PSD3: variants seen among roughly 807,000 people sequenced by gnomAD.
The protein encoded by PSD3 is PH and SEC7 domain-containing protein 3.
In PSD3, 49 loss-of-function variants were observed where a neutral mutation model predicts 105.5. The ratio of observed to expected loss-of-function variants is 0.46; its 90% CI spans 0.37 to 0.59. The LOEUF is 0.59. PSD3 is among the 20% of genes least tolerant of loss of function. The pLI, the probability that PSD3 is intolerant of heterozygous loss-of-function variation, is 0.00. For missense variants in PSD3, 1,561 were observed against 1,263.8 expected (o/e 1.24, Z -3.57); for synonymous variants, 557 against 457.8 (o/e 1.22, Z -2.77).
At chr8:18,764,321 A>G (rs58728600) in intron 9 of PSD3, among the ~76,000 whole-genome samples, 12,917 of 152,160 alleles carry the variant, frequency 0.085, 1,136 homozygotes, top group African/African-American at 0.22. Context: ...TCACGTCACA[A>G]TCCTGCACCA....
chr8:18,743,138 C>G (rs545954055), intron 9 of PSD3, among the ~76,000 whole-genome samples: 2 of 152,122 alleles, frequency 1.3e-5, no homozygotes, highest in Non-Finnish European at 2.9e-5. Flanking sequence ...AAGGGCAAAC[C>G]TCCCCTTTGC....
At chr8:18,876,502 T>G (rs765158475) in intron 2 of PSD3, among the ~76,000 whole-genome samples, 7 of 152,122 alleles carry the variant, frequency 4.6e-5, no homozygotes, top group Non-Finnish European at 1.0e-4. Context: ...TTCTCCCACC[T>G]CAGCCTCCTG....
At chr8:18,984,777 C>A (rs1217176539) in intron 1 of PSD3, among the ~76,000 whole-genome samples, 10 of 152,120 alleles carry the variant, frequency 6.6e-5, no homozygotes, top group African/African-American at 2.2e-4. Flanking sequence ...CATACTTCTG[C>A]CAACCTGACT....
At chr8:18,763,211 G>A (rs1424984029) in intron 9 of PSD3, among the ~76,000 whole-genome samples, 2 of 152,106 alleles carry the variant, frequency 1.3e-5, no homozygotes, top group Non-Finnish European at 2.9e-5. Flanking sequence ...AAAAGCCTCA[G>A]TTTATGTAAC....
chr8:18,622,061 T>A (rs1806154855), intron 11 of PSD3, among the ~76,000 whole-genome samples: 1 of 152,118 alleles, frequency 6.6e-6, no homozygotes, highest in African/African-American at 2.4e-5. Context: ...TCCAACCTTG[T>A]CAAGGTGCTC....
At chr8:18,811,127 C>G (rs1226387830) in intron 4 of PSD3, among the ~76,000 whole-genome samples, 11 of 152,164 alleles carry the variant, frequency 7.2e-5, no homozygotes, top group Non-Finnish European at 1.5e-4. Context: ...AATAGGTTAA[C>G]AATGGTTAGG....
intron 1 of PSD3, among the ~76,000 whole-genome samples, chr8:19,039,124 C>T (rs559420893): frequency 7.2e-5 from 11 of 152,242 alleles, no homozygotes; most frequent in African/African-American, 1.9e-4. Context: ...TTTTCCTCGA[C>T]GGACCTTTTT....
chr8:18,568,035 C>A (rs1178486211), intron 14 of PSD3, among the ~76,000 whole-genome samples: 1 of 152,178 alleles, frequency 6.6e-6, no homozygotes, highest in African/African-American at 2.4e-5. Context: ...CTCTCTCTTG[C>A]CATGTGACAC....
chr8:18,950,871 A>G (rs7833069), intron 1 of PSD3, among the ~76,000 whole-genome samples: 52,168 of 151,888 alleles, frequency 0.34, 9,172 homozygotes, highest in Middle Eastern at 0.53. Context: ...GTCCTGTGTC[A>G]TGCACTTGAG....
At chr8:18,906,786 C>A (rs1436289827) in intron 2 of PSD3, among the ~76,000 whole-genome samples, 3 of 152,120 alleles carry the variant, frequency 2.0e-5, no homozygotes, top group African/African-American at 7.2e-5. Flanking sequence ...AAGAACATTT[C>A]AGTCAATGAC....
intron 9 of PSD3, among the ~76,000 whole-genome samples, chr8:18,722,586 G>A (rs1310695936): frequency 6.6e-6 from 1 of 152,078 alleles, no homozygotes; most frequent in Non-Finnish European, 1.5e-5. Flanking sequence ...TCCACCTGAA[G>A]GAAGTACAGA....
chr8:18,944,475 C>A (rs13248941), intron 1 of PSD3, among the ~76,000 whole-genome samples: 69,889 of 151,576 alleles, frequency 0.46, 16,359 homozygotes, highest in African/African-American at 0.53. Flanking sequence ...GGAGGCTGAG[C>A]GAGGAGAATC....
intron 1 of PSD3, among the ~76,000 whole-genome samples, chr8:18,978,118 T>C (rs1242015007): frequency 1.3e-5 from 2 of 152,148 alleles, no homozygotes; most frequent in Admixed American, 6.6e-5. Context: ...AAAGCCAGAA[T>C]CTCGCCCCAG....
At chr8:18,803,431 A>G (rs143273347) in intron 6 of PSD3, among the ~76,000 whole-genome samples, 34 of 89,196 alleles carry the variant, frequency 3.8e-4, no homozygotes, top group African/African-American at 1.7e-3. Flanking sequence ...TAAACTCATC[A>G]TTCAAAAACC....
intron 9 of PSD3, among the ~76,000 whole-genome samples, chr8:18,731,648 C>T (rs2129431428): frequency 6.6e-6 from 1 of 152,238 alleles, no homozygotes; most frequent in East Asian, 1.9e-4. Flanking sequence ...AAGGAAATTG[C>T]TTATAGAAAC....
intron 9 of PSD3, among the ~76,000 whole-genome samples, chr8:18,722,153 A>T (rs903589672): frequency 6.6e-6 from 1 of 151,612 alleles, no homozygotes; most frequent in Non-Finnish European, 1.5e-5. Flanking sequence ...TGGGTGGACG[A>T]TCAAAGAACA....
At chr8:18,956,965 G>A (rs543252382) in intron 1 of PSD3, among the ~76,000 whole-genome samples, 1 of 152,252 alleles carries the variant, frequency 6.6e-6, no homozygotes, top group South Asian at 2.1e-4. Context: ...ATAACCAAGA[G>A]TTACATGCCC....
In PSD3 at chr8:18,637,489, G is replaced by A. The variant is rs1186285436; in HGVS notation, c.2217-4683C>T. Among the ~76,000 whole-genome samples, 5 of 152,074 alleles carry A rather than the reference G, an allele frequency of 3.3e-5. No individual in the cohort carries two copies. In the East Asian group the frequency reaches 9.7e-4, roughly 29 times the overall value. On this transcript the variant is annotated intron_variant, in intron 10 of 15. Coordinates refer to ENST00000327040, the MANE Select transcript of PSD3 (RefSeq NM_015310.4). ...ATTTGGCCAACTCCTCTCTCCCATC[G>A]ATTCCTGGCAACTGACTTCCATCCC...
Position 18,804,586 on chromosome 8 carries a change from G to C in PSD3, c.1846C>G (p.Leu616Val), listed in dbSNP as rs772395339. Reference sequence around the variant, plus strand: ...AACTTCAGATATTCTTCTGCAACTAGTTTGCTAAATTCGTTGCTATAAGAA... The same window carrying C: ...AACTTCAGATATTCTTCTGCAACTACTTTGCTAAATTCGTTGCTATAAGAA... ...HLGKNNEFSKLVAEEYLKFFD... is the reference protein window; with the variant it reads ...HLGKNNEFSKVVAEEYLKFFD... The change falls in exon 6 of 16, where the codon CTA (leucine) becomes GTA (valine). Residue 616 changes from leucine (L) to valine (V), a missense_variant. By Grantham distance (32) the Leu-to-Val change is conservative. Coordinates refer to ENST00000327040, the MANE Select transcript of PSD3 (RefSeq NM_015310.4). 2.5e-6 allele frequency: 4 copies of C among 1,613,198 alleles called. No homozygotes were observed. The highest frequency in any genetic ancestry group is 2.2e-5 in the East Asian group (1 of 44,880).
Sources: allele counts gnomAD v4.1 joint callset (sites outside exome capture counted in the v4.1 genomes callset), GRCh38; gene constraint gnomAD v4.1.1; transcripts MANE v1.5; gene names NCBI Gene and HGNC (gene_info 2026-07-23, HGNC 2026-07-21).